The following FAM193A variants were observed in gnomAD, a reference collection of about 807,000 sequenced individuals.
The protein encoded by FAM193A is family with sequence similarity 193 member A, also known as protein FAM193A.
Under a neutral mutation model 126.5 loss-of-function variants are expected in FAM193A, and 22 were observed. That is an observed-to-expected ratio of 0.17 (90% confidence interval 0.12 to 0.25). The LOEUF is 0.25. FAM193A is among the 10% of genes least tolerant of loss of function. FAM193A has a pLI of 1.00. For synonymous variants in FAM193A, 761 were observed against 646.8 expected (o/e 1.18, Z -2.68); for missense variants, 1,675 against 1,672.8 (o/e 1.00, Z -0.02).
At chr4:2,694,618 G>A (rs1041623627) in intron 16 of FAM193A, among the ~76,000 whole-genome samples, 34 of 152,124 alleles carry the variant, frequency 2.2e-4, no homozygotes, top group Admixed American at 1.3e-4. Context: ...CCTGTTTGAA[G>A]CTATACCCCT....
chr4:2,700,168 A>G lies in FAM193A; in HGVS notation c.3996A>G (p.Lys1332=), dbSNP rs1358083999. ...TCTTCGACATCATGCAGCACCATAA[A>G]GAAGGAAATGGCAAGCAGAAGCTGA... ...SFFFDIMQHH[K]EGNGKQKLRQ... The change falls in exon 19 of 21, where the codon AAA becomes AAG. Residue 1332 remains lysine, a synonymous_variant. Transcript: ENST00000637812. 1 of 1,613,630 alleles carries G rather than the reference A, an allele frequency of 6.2e-7. No homozygotes were observed. Among genetic ancestry groups the G allele is most frequent in the East Asian group, 2.2e-5 (1 of 44,800 alleles).
intron 2 of FAM193A, among the ~76,000 whole-genome samples, chr4:2,597,790 A>G (rs534375801): frequency 6.6e-5 from 10 of 152,238 alleles, no homozygotes; most frequent in Admixed American, 5.9e-4. Flanking sequence ...TTTTTTACTT[A>G]AAAAATGTTC....
At chr4:2,695,842 G>C (rs231711) in intron 17 of FAM193A, among the ~76,000 whole-genome samples, 5,834 of 152,192 alleles carry the variant, frequency 0.038, 380 homozygotes, top group African/African-American at 0.13. Flanking sequence ...GCTAAGGGAG[G>C]ATCTCTTGAG....
At chr4:2,552,314 T>C (rs1447175346) in intron 1 of FAM193A, among the ~76,000 whole-genome samples, 1 of 770 alleles carries the variant, frequency 1.3e-3, no homozygotes, top group Admixed American at 0.019. Context: ...CCCGGCTGAT[T>C]TTTTTTTGGT....
At chr4:2,593,254 G>T (rs1409575077) in intron 1 of FAM193A, among the ~76,000 whole-genome samples, 1 of 152,108 alleles carries the variant, frequency 6.6e-6, no homozygotes, top group Non-Finnish European at 1.5e-5. Flanking sequence ...CTCCTGAACT[G>T]CAGATAGTCG....
At chr4:2,729,460 G>A (rs1721133824) in intron 20 of FAM193A, among the ~76,000 whole-genome samples, 1 of 152,136 alleles carries the variant, frequency 6.6e-6, no homozygotes, top group African/African-American at 2.4e-5. Context: ...CTTGCCTCTC[G>A]AGTTGCCCAC....
upstream of FAM193A, among the ~76,000 whole-genome samples, chr4:2,536,282 C>G (rs981303472): frequency 7.9e-5 from 12 of 151,640 alleles, no homozygotes; most frequent in East Asian, 1.6e-3. Context: ...GCCCTACGCC[C>G]GACCACAACG....
At chr4:2,692,842 A>G (rs1351156706) in intron 15 of FAM193A, among the ~76,000 whole-genome samples, 1 of 139,948 alleles carries the variant, frequency 7.1e-6, no homozygotes, top group Non-Finnish European at 1.6e-5. Flanking sequence ...AAAATGTCAA[A>G]AAAAGAGAGA....
At chr4:2,663,370 A>C (rs945753352) in intron 12 of FAM193A, 82 bp downstream of exon 12, 2 of 1,131,558 alleles carry the variant, frequency 1.8e-6, no homozygotes, top group Non-Finnish European at 2.4e-6. Flanking sequence ...TGAATACAAA[A>C]TTATTTTGTT....
intron 5 of FAM193A, among the ~76,000 whole-genome samples, chr4:2,635,235 A>G (rs938619549): frequency 6.6e-6 from 1 of 152,226 alleles, no homozygotes; most frequent in African/African-American, 2.4e-5. Flanking sequence ...ACTGCCATCC[A>G]GTGATCTATG....
chr4:2,696,734 A>G (rs576310068), intron 18 of FAM193A, 141 bp downstream of exon 18: 1 of 633,494 alleles, frequency 1.6e-6, no homozygotes, highest in Admixed American at 3.0e-5. Context: ...CTTTGTTCTG[A>G]GAGCCAGCCT....
rs200177831 is a variant in FAM193A, at chr4:2,693,833, G to A, written c.3051G>A (p.Pro1017=). The change falls in exon 16 of 21, where the codon CCG becomes CCA. Residue 1017 remains proline (P), a synonymous_variant. Coordinates refer to ENST00000637812, the MANE Select transcript of FAM193A (RefSeq NM_001366318.2). ...RKSFCPAPLP[P]ATDGSISAPP... is the part of the protein sequence containing the mutation. The stretch of plus-strand genomic sequence containing the variant: ...GTTTCTGTCCTGCACCCCTACCCCC[G>A]GCCACAGATGGCTCCATTAGCGCCC... The A allele has an allele frequency of 1.7e-4, 278 of 1,614,168 alleles. No individual in the cohort carries two copies. In the East Asian group the frequency reaches 3.2e-3, roughly 19 times the overall value.
At chr4:2,581,740 G>A (rs970815713) in intron 1 of FAM193A, among the ~76,000 whole-genome samples, 1 of 151,672 alleles carries the variant, frequency 6.6e-6, no homozygotes, top group African/African-American at 2.4e-5. Flanking sequence ...TGCAGGCTCC[G>A]TTTCCTGGGT....
chr4:2,566,116 T>C (rs1488815650), intron 1 of FAM193A, among the ~76,000 whole-genome samples: 2 of 151,740 alleles, frequency 1.3e-5, no homozygotes, highest in Non-Finnish European at 2.9e-5. Flanking sequence ...GGCACAATCT[T>C]GGCTGACTGC....
intron 19 of FAM193A, among the ~76,000 whole-genome samples, chr4:2,711,980 T>C (rs141096661): frequency 1.5e-3 from 226 of 152,302 alleles, no homozygotes; most frequent in African/African-American, 5.2e-3. Context: ...CACTCGATAG[T>C]GTAATAGGCA....
chr4:2,613,779 T>G (rs1440699191), intron 2 of FAM193A, among the ~76,000 whole-genome samples: 1 of 147,428 alleles, frequency 6.8e-6, no homozygotes, highest in Admixed American at 6.8e-5. Flanking sequence ...TTTTTCTTTT[T>G]TTTTTGAGAC....
rs559822719 is a variant in FAM193A, at chr4:2,637,175, A to G, written c.1039-2560A>G. 5.9e-5 allele frequency among the ~76,000 whole-genome samples: 9 copies of G among 152,188 alleles called. No homozygotes were observed. In the South Asian group the frequency reaches 1.7e-3, roughly 28 times the overall value. ...GATCCCGTCTCTACAGAAGATACAAAAATTAGCTGAGCGTGATAGTGTACA... is the reference window on the plus strand; with the variant it reads ...GATCCCGTCTCTACAGAAGATACAAGAATTAGCTGAGCGTGATAGTGTACA... On this transcript the variant is annotated intron_variant, in intron 5 of 20. Coordinates refer to ENST00000637812, the MANE Select transcript of FAM193A (RefSeq NM_001366318.2).
chr4:2,578,809 G>GACCTT (rs1739753932), intron 1 of FAM193A, among the ~76,000 whole-genome samples: 1 of 152,122 alleles, frequency 6.6e-6, no homozygotes, highest in Admixed American at 6.5e-5. Flanking sequence ...TATTTATTAA[G>GACCTT]TGGAAGTGGA....
chr4:2,639,252 C>A (rs984985230), intron 5 of FAM193A, among the ~76,000 whole-genome samples: 9 of 152,108 alleles, frequency 5.9e-5, no homozygotes, highest in African/African-American at 2.2e-4. Context: ...AAAACCTTAA[C>A]TCTGATAGGG....
Sources: allele counts gnomAD v4.1 joint callset (sites outside exome capture counted in the v4.1 genomes callset), GRCh38; gene constraint gnomAD v4.1.1; transcripts MANE v1.5; gene names NCBI Gene and HGNC (gene_info 2026-07-23, HGNC 2026-07-21).